The following TOX variants were observed in gnomAD, a reference collection of about 807,000 sequenced individuals.
TOX encodes the protein thymocyte selection-associated high mobility group box protein TOX.
In TOX, 11 loss-of-function variants were observed where a neutral mutation model predicts 53.7. The ratio of observed to expected loss-of-function variants is 0.20; its 90% CI spans 0.13 to 0.34. TOX has a LOEUF of 0.34. Ranked by LOEUF, TOX falls within the 10% of genes least tolerant of loss-of-function variation. TOX has a pLI of 1.00. For missense variants in TOX, 570 were observed against 664.6 expected, an observed-to-expected ratio of 0.86 and a Z score of 1.56; for synonymous variants, 225 against 245.3, an observed-to-expected ratio of 0.92 and a Z score of 0.77.
intron 1 of TOX, among the ~76,000 whole-genome samples, chr8:59,092,252 A>ATATATATACAT: frequency 1.9e-5 from 1 of 51,626 alleles, no homozygotes; most frequent in Non-Finnish European, 3.1e-5. Flanking sequence ...ACTCCATCTC[A>ATATATATACAT]TATATATATA....
At chr8:58,944,306 A>G (rs1421354455) in intron 2 of TOX, among the ~76,000 whole-genome samples, 2 of 152,242 alleles carry the variant, frequency 1.3e-5, no homozygotes. Context: ...CAAGCCCACA[A>G]GGGAACTGTT....
intron 1 of TOX, among the ~76,000 whole-genome samples, chr8:58,988,263 G>T (rs1483020411): frequency 6.6e-6 from 1 of 152,174 alleles, no homozygotes; most frequent in African/African-American, 2.4e-5. Flanking sequence ...TTATTAATGG[G>T]TCTATTCATC....
intron 1 of TOX, among the ~76,000 whole-genome samples, chr8:59,067,076 C>A (rs1804106634): frequency 6.6e-6 from 1 of 152,094 alleles, no homozygotes; most frequent in Non-Finnish European, 1.5e-5. Flanking sequence ...GCCTTTTCTG[C>A]AGACCGTCTT....
chr8:59,011,976 G>T (rs1439402370), intron 1 of TOX, among the ~76,000 whole-genome samples: 1 of 152,144 alleles, frequency 6.6e-6, no homozygotes, highest in Non-Finnish European at 1.5e-5. Context: ...GGGGACAGAA[G>T]CTCAGTTACA....
intron 1 of TOX, among the ~76,000 whole-genome samples, chr8:58,961,795 C>A (rs954581779): frequency 1.3e-5 from 2 of 152,158 alleles, no homozygotes; most frequent in Non-Finnish European, 2.9e-5. Context: ...GCATGAGCCA[C>A]CATGCCCAGC....
chr8:58,910,394 G>C (rs1811889225), intron 3 of TOX, among the ~76,000 whole-genome samples: 1 of 152,098 alleles, frequency 6.6e-6, no homozygotes, highest in Non-Finnish European at 1.5e-5. Flanking sequence ...AAAACTTTGG[G>C]AACTATTGGA....
intron 3 of TOX, among the ~76,000 whole-genome samples, chr8:58,865,255 G>T (rs905198332): frequency 2.0e-5 from 3 of 152,044 alleles, no homozygotes; most frequent in Non-Finnish European, 2.9e-5. Context: ...ACTCTGGTGT[G>T]GTCCCTGCCA....
chr8:58,932,977 A>T (rs1469532741), intron 3 of TOX, among the ~76,000 whole-genome samples: 1 of 152,182 alleles, frequency 6.6e-6, no homozygotes. Context: ...TTGCCTTTTA[A>T]CATCTTTTTT....
intron 1 of TOX, among the ~76,000 whole-genome samples, chr8:59,044,199 A>C (rs1803645235): frequency 6.9e-6 from 1 of 145,206 alleles, no homozygotes; most frequent in African/African-American, 2.6e-5. Context: ...AGAAGGAAAA[A>C]AAATTCCATT....
intron 3 of TOX, among the ~76,000 whole-genome samples, chr8:58,855,496 A>T (rs1395160326): frequency 6.6e-6 from 1 of 152,104 alleles, no homozygotes. Flanking sequence ...AACTCTTGTG[A>T]GTTCTGTTGG....
At position 59,016,560 on chromosome 8, in the gene TOX, T is replaced by C. The variant is rs537425325; in HGVS notation, c.103-56552A>G. ...TATGCTCATAATAGATGCAGCAGTA[T>C]ATTCAAATAAATATTACCATGTAAA... On this transcript the variant is annotated intron_variant, in intron 1 of 8. Coordinates refer to ENST00000361421, the MANE Select transcript of TOX (RefSeq NM_014729.3). Among the ~76,000 whole-genome samples the C allele has an allele frequency of 9.8e-5, 15 of 152,366 alleles. No individual in the cohort carries two copies. The South Asian group carries it at 2.5e-3, about 25-fold the overall frequency.
chr8:58,841,312 T>C (rs993029527), intron 4 of TOX, among the ~76,000 whole-genome samples: 1 of 152,218 alleles, frequency 6.6e-6, no homozygotes. Context: ...GTAGGCACTA[T>C]GAAGGCAGGG....
intron 1 of TOX, among the ~76,000 whole-genome samples, chr8:59,016,941 C>T (rs1470328059): frequency 1.3e-5 from 2 of 152,202 alleles, no homozygotes; most frequent in African/African-American, 4.8e-5. Flanking sequence ...GCCTCCCAAT[C>T]CCAATATTAT....
At chr8:59,063,947 C>T (rs950739259) in intron 1 of TOX, among the ~76,000 whole-genome samples, 3 of 151,836 alleles carry the variant, frequency 2.0e-5, no homozygotes, top group Admixed American at 6.6e-5. Context: ...TGTATATGTA[C>T]ACGAACTATG....
At chr8:58,965,687 C>G (rs1308753262) in intron 1 of TOX, among the ~76,000 whole-genome samples, 1 of 152,000 alleles carries the variant, frequency 6.6e-6, no homozygotes, top group Non-Finnish European at 1.5e-5. Context: ...AGGGAAAAAT[C>G]TTACATTTCT....
chr8:59,011,351 A>T (rs1813900302), intron 1 of TOX, among the ~76,000 whole-genome samples: 1 of 152,206 alleles, frequency 6.6e-6, no homozygotes, highest in Non-Finnish European at 1.5e-5. Flanking sequence ...CTGCCCTCCA[A>T]GATGCAGCCC....
At chr8:58,941,846 A>T (rs990026748) in intron 2 of TOX, among the ~76,000 whole-genome samples, 42 of 152,162 alleles carry the variant, frequency 2.8e-4, no homozygotes, top group African/African-American at 1.0e-3. Context: ...TGAGGTCAGG[A>T]GTTTGAGACC....
At chr8:59,027,259 T>A (rs1038457383) in intron 1 of TOX, among the ~76,000 whole-genome samples, 1 of 152,140 alleles carries the variant, frequency 6.6e-6, no homozygotes, top group Non-Finnish European at 1.5e-5. Context: ...TAAAAGCATA[T>A]AACATCTCCA....
At chr8:58,942,677 T>C (rs1199295955) in intron 2 of TOX, among the ~76,000 whole-genome samples, 1 of 152,210 alleles carries the variant, frequency 6.6e-6, no homozygotes, top group African/African-American at 2.4e-5. Flanking sequence ...CATGAGAGCT[T>C]TATTTTGATT....
Sources: allele counts gnomAD v4.1 joint callset (sites outside exome capture counted in the v4.1 genomes callset), GRCh38; gene constraint gnomAD v4.1.1; transcripts MANE v1.5; gene names NCBI Gene and HGNC (gene_info 2026-07-23, HGNC 2026-07-21).